IGFBP4: variants seen among roughly 807,000 people sequenced by gnomAD.
IGFBP4 encodes insulin like growth factor binding protein 4.
In IGFBP4, 9 loss-of-function variants were observed where a neutral mutation model predicts 25.8. That is an observed-to-expected ratio of 0.35 (90% CI 0.21 to 0.61). The LOEUF is 0.61. IGFBP4 is among the 20% of genes least tolerant of loss of function. The pLI is 0.77. For missense variants in IGFBP4, 315 were observed against 365.3 expected (o/e 0.86, Z 1.12); for synonymous variants, 153 against 153.9 (o/e 0.99, Z 0.05).
chr17:40,456,773 T>G lies in IGFBP4; in HGVS notation c.*190T>G. On this transcript the variant is annotated 3_prime_UTR_variant, in exon 4 of 4. Coordinates refer to ENST00000269593, the MANE Select transcript of IGFBP4 (RefSeq NM_001552.3). ...TGTGTTTGTGAGCATGGGTGTGCCCTTGGGGTAAGCCAGAGCCTGGGGTGT... is the reference window on the plus strand; with the variant it reads ...TGTGTTTGTGAGCATGGGTGTGCCCGTGGGGTAAGCCAGAGCCTGGGGTGT... 2 of 596,790 alleles carry G rather than the reference T, an allele frequency of 3.4e-6. No homozygotes were observed. The highest frequency in any genetic ancestry group is 4.2e-5 in the South Asian group (2 of 48,024). The allele number at this position is 596,790 out of a possible 1,614,324, so 37.0% of individuals were successfully genotyped here.
chr17:40,447,719 T>G (rs2035657210), intron 1 of IGFBP4, among the ~76,000 whole-genome samples: 1 of 152,338 alleles, frequency 6.6e-6, no homozygotes, highest in South Asian at 2.1e-4. Context: ...CCACCCAGTC[T>G]ACTTCATTTT....
rs1051875982 is a variant in IGFBP4, at chr17:40,457,520, A to G, written c.*937A>G. The G allele has an allele frequency of 1.3e-5, 2 of 151,760 alleles. No individual in the cohort carries two copies. The highest frequency in any genetic ancestry group is 2.9e-5 in the Non-Finnish European group (2 of 67,994). 9.4% of individuals were successfully genotyped at this position (151,760 alleles called of 1,614,324 possible). A position where few individuals can be genotyped will look rare whatever the true frequency, so the allele number is the denominator to read the frequency against. ...GCCATGAAGTCACCGGGATGAACCT[A>G]TCCTTCCAGTGGCTCGCTCCCTGTA... On this transcript the variant is annotated 3_prime_UTR_variant, in exon 4 of 4. Transcript: ENST00000269593.
rs570719734 is a variant in IGFBP4, at chr17:40,453,197, C to T, written c.507+55C>T. 2.2e-5 allele frequency: 19 copies of T among 860,414 alleles called. No individual in the cohort carries two copies. The African/African-American group carries it at 3.3e-4, about 15-fold the overall frequency. The allele number at this position is 860,414 out of a possible 1,614,324, so 53.3% of individuals were successfully genotyped here. ...GTGCATAGACACACACACACACATGCCCCCTGCCCCCCACATGCACGCACC... is the reference window on the plus strand; with the variant it reads ...GTGCATAGACACACACACACACATGTCCCCTGCCCCCCACATGCACGCACC... On this transcript the variant is annotated intron_variant, in intron 2 of 3. Transcript: ENST00000269593. This position sits in a 1 kb window ranked among gnomAD's most constrained non-coding sequence, Gnocchi z 4.0.
chr17:40,449,143 C>T (rs1445112972), intron 1 of IGFBP4, among the ~76,000 whole-genome samples: 3 of 152,130 alleles, frequency 2.0e-5, no homozygotes, highest in African/African-American at 7.2e-5. Flanking sequence ...CTTAGCTTTT[C>T]GTAGGTAACC....
At chr17:40,445,538 AGGT>A (rs2035639780) in intron 1 of IGFBP4, among the ~76,000 whole-genome samples, 1 of 152,198 alleles carries the variant, frequency 6.6e-6, no homozygotes, top group Non-Finnish European at 1.5e-5. Flanking sequence ...AACAGGAAGG[AGGT>A]GGACTCCAGG....
chr17:40,456,022 AT>A (rs2035712317), intron 3 of IGFBP4, among the ~76,000 whole-genome samples: 1 of 152,064 alleles, frequency 6.6e-6, no homozygotes, highest in Non-Finnish European at 1.5e-5. Context: ...CACCCAACTC[AT>A]CCAGCTCAAC....
rs775514911 is a variant in IGFBP4, at chr17:40,443,801, C to T, written c.66C>T (p.Asp22=). 25 of 1,525,396 alleles carry T rather than the reference C, an allele frequency of 1.6e-5. No homozygotes were observed. The Admixed American group carries it at 3.9e-4, about 24-fold the overall frequency. 94.5% of individuals were successfully genotyped at this position (1,525,396 alleles called of 1,614,324 possible). ...LAAGPGPSLG[D]EAIHCPPCSE... ...CCGGGCCCGGGCCGAGCCTGGGCGACGAAGCCATCCACTGCCCGCCCTGCT... is the reference window on the plus strand; with the variant it reads ...CCGGGCCCGGGCCGAGCCTGGGCGATGAAGCCATCCACTGCCCGCCCTGCT... The change falls in exon 1 of 4, where the codon GAC becomes GAT. Residue 22 remains aspartate (D), a synonymous_variant. Coordinates refer to ENST00000269593, the MANE Select transcript of IGFBP4 (RefSeq NM_001552.3).
chr17:40,444,940 G>C (rs916400965), intron 1 of IGFBP4, among the ~76,000 whole-genome samples: 3,968 of 54,274 alleles, frequency 0.073, 98 homozygotes, highest in Non-Finnish European at 0.09. Flanking sequence ...GACAGAGAGA[G>C]AGAGAGAGAG....
intron 1 of IGFBP4, among the ~76,000 whole-genome samples, chr17:40,446,931 G>C (rs931059876): frequency 6.6e-6 from 1 of 152,230 alleles, no homozygotes; most frequent in Non-Finnish European, 1.5e-5. Context: ...CTGCAGCCCT[G>C]CAGGGTCTGT....
rs552782400 is a variant in IGFBP4 at position 40,444,647 on chromosome 17, CTTG to C, written c.349+569_349+571del. On this transcript the variant is annotated intron_variant, in intron 1 of 3. Coordinates refer to ENST00000269593, the MANE Select transcript of IGFBP4 (RefSeq NM_001552.3). ...TCCCCAAAGCCCAGAGCCAGGTCAC[CTTG>C]TTGTTTGAGAGGCAGTGGGAAGACA... 3.2e-3 allele frequency among the ~76,000 whole-genome samples: 487 copies of C among 152,128 alleles called. 1 individual carries two copies. The highest frequency in any genetic ancestry group is 8.9e-3 in the South Asian group (43 of 4,818).
In IGFBP4 at chr17:40,453,048, G is replaced by T. The variant is rs1258343617; in HGVS notation, c.413G>T (p.Cys138Phe). The part of the protein sequence containing the change: ...FSPCSAHDRR[C>F]LQKHFAKIRD... Reference sequence around the variant, plus strand: ...CCCTGTAGCGCCCATGACCGCAGGTGCCTGCAGAAGCACTTCGCCAAAATT... The same window carrying T: ...CCCTGTAGCGCCCATGACCGCAGGTTCCTGCAGAAGCACTTCGCCAAAATT... Residue 138 changes from cysteine (C) to phenylalanine (F), a missense_variant, in exon 2 of 4, where the codon TGC becomes TTC. By Grantham distance (205) the Cys-to-Phe change is radical. Transcript: ENST00000269593. This position sits in a 1 kb window ranked among gnomAD's most constrained non-coding sequence, Gnocchi z 4.0. 1 of 1,600,064 alleles carries T rather than the reference G, an allele frequency of 6.2e-7. No homozygotes were observed. Among genetic ancestry groups the T allele is most frequent in the Non-Finnish European group, 8.5e-7 (1 of 1,173,196 alleles).
At chr17:40,451,372 G>GT (rs570431254) in intron 1 of IGFBP4, among the ~76,000 whole-genome samples, 112 of 152,198 alleles carry the variant, frequency 7.4e-4, no homozygotes, top group Non-Finnish European at 1.4e-3. Flanking sequence ...GGTGTGGAAG[G>GT]TTATTGATAA....
In IGFBP4 at chr17:40,453,382, C is replaced by T. The variant is rs974027843; in HGVS notation, c.507+240C>T. 1.3e-5 allele frequency among the ~76,000 whole-genome samples: 2 copies of T among 152,132 alleles called. No individual in the cohort carries two copies. Among genetic ancestry groups the T allele is most frequent in the Non-Finnish European group, 2.9e-5 (2 of 68,032 alleles). On this transcript the variant is annotated intron_variant, in intron 2 of 3. Coordinates refer to ENST00000269593, the MANE Select transcript of IGFBP4 (RefSeq NM_001552.3). This position sits in a 1 kb window ranked among gnomAD's most constrained non-coding sequence, Gnocchi z 4.0. ...TTTCCTGCCCATCAGTTATATACAT[C>T]GGGGCAGCTTAAGTGATTATTAAAT...
intron 1 of IGFBP4, 122 bp downstream of exon 1, chr17:40,444,206 T>C: frequency 1.3e-6 from 1 of 765,270 alleles, no homozygotes; most frequent in South Asian, 1.6e-5. Context: ...AGAAGGCAGG[T>C]ACGTGGCAGG....
intron 1 of IGFBP4, among the ~76,000 whole-genome samples, chr17:40,444,926 C>CACACACACACACACAGAG (rs1456516087): frequency 1.6e-5 from 1 of 62,694 alleles, no homozygotes; most frequent in Non-Finnish European, 3.8e-5. Context: ...CACACACACA[C>CACACACACACACACAGAG]AGAGACAGAG....
At chr17:40,452,376 C>G (rs765418125) in intron 1 of IGFBP4, among the ~76,000 whole-genome samples, 1 of 152,060 alleles carries the variant, frequency 6.6e-6, no homozygotes, top group African/African-American at 2.4e-5. Context: ...CACACACACT[C>G]ACACACACAC....
intron 1 of IGFBP4, among the ~76,000 whole-genome samples, chr17:40,452,037 C>G (rs1038999948): frequency 6.6e-6 from 1 of 152,062 alleles, no homozygotes; most frequent in Non-Finnish European, 1.5e-5. Flanking sequence ...GGGGTCTTGC[C>G]ATGTTGCCTA....
At chr17:40,444,230 G>T in intron 1 of IGFBP4, 146 bp downstream of exon 1, 2 of 689,068 alleles carry the variant, frequency 2.9e-6, no homozygotes, top group Non-Finnish European at 5.0e-6. Flanking sequence ...CGACTGGCAT[G>T]GGACAGGCTC....
chr17:40,454,589 C>T (rs1211071087), intron 3 of IGFBP4, among the ~76,000 whole-genome samples: 4 of 152,156 alleles, frequency 2.6e-5, no homozygotes, highest in Middle Eastern at 3.2e-3. Context: ...CCAGATTGGA[C>T]GGTTGGAGAC....
Sources: allele counts gnomAD v4.1 joint callset (sites outside exome capture counted in the v4.1 genomes callset), GRCh38; gene constraint gnomAD v4.1.1; non-coding constraint Gnocchi (gnomAD v3.1); transcripts MANE v1.5; gene names NCBI Gene and HGNC (gene_info 2026-07-23, HGNC 2026-07-21).